LRP1B: variants seen among roughly 807,000 people sequenced by gnomAD.
LRP1B encodes the protein low-density lipoprotein receptor-related protein 1B.
A neutral mutation model predicts 556.6 loss-of-function variants in LRP1B; 217 were observed. The ratio of observed to expected loss-of-function variants is 0.39; its 90% confidence interval spans 0.35 to 0.44. LRP1B has a LOEUF of 0.44. Ranked by LOEUF, LRP1B falls within the 20% of genes least tolerant of loss-of-function variation. LRP1B has a pLI of 1.00. For missense variants in LRP1B, 5,053 were observed against 5,620.8 expected, an observed-to-expected ratio of 0.90 and a Z score of 3.23; for synonymous variants, 2,047 against 1,865.8, an observed-to-expected ratio of 1.10 and a Z score of -2.50.
intron 3 of LRP1B, among the ~76,000 whole-genome samples, chr2:141,366,950 G>A (rs1311939653): frequency 6.6e-6 from 1 of 152,196 alleles, no homozygotes; most frequent in Admixed American, 6.5e-5. Context: ...TCTTGAAGAT[G>A]ACACGGGAAG....
At chr2:141,043,389 C>T (rs1057231358) in intron 11 of LRP1B, among the ~76,000 whole-genome samples, 1 of 151,798 alleles carries the variant, frequency 6.6e-6, no homozygotes, top group Admixed American at 6.6e-5. Flanking sequence ...ATCAATGCCA[C>T]AACAAAAGAA....
At chr2:140,449,125 G>A (rs1053005480) in intron 63 of LRP1B, among the ~76,000 whole-genome samples, 7 of 152,036 alleles carry the variant, frequency 4.6e-5, no homozygotes, top group Non-Finnish European at 8.8e-5. Context: ...TAGAGGTCAG[G>A]AGCTGCAGGT....
At chr2:140,341,123 T>TATG (rs1406095120) in intron 77 of LRP1B, among the ~76,000 whole-genome samples, 3 of 151,768 alleles carry the variant, frequency 2.0e-5, no homozygotes, top group African/African-American at 7.2e-5. Context: ...GAATGATCTA[T>TATG]ATGATATACA....
intron 16 of LRP1B, among the ~76,000 whole-genome samples, chr2:140,992,257 A>T (rs78465768): frequency 0.023 from 3,467 of 152,164 alleles, 67 homozygotes; most frequent in Non-Finnish European, 0.031. Context: ...ACACAAAAAA[A>T]CCATGGCTTG....
chr2:142,069,876 T>C (rs2104909059), intron 1 of LRP1B, among the ~76,000 whole-genome samples: 1 of 151,934 alleles, frequency 6.6e-6, no homozygotes, highest in East Asian at 1.9e-4. Flanking sequence ...ATGTTTGCTT[T>C]ACAGAGCTTT....
chr2:140,744,804 T>C (rs1238203005), intron 35 of LRP1B, among the ~76,000 whole-genome samples: 2 of 152,150 alleles, frequency 1.3e-5, no homozygotes, highest in African/African-American at 4.8e-5. Context: ...TTGGAGAAGC[T>C]TGTTTGTTTG....
chr2:140,652,817 T>C (rs1199570196), intron 41 of LRP1B, among the ~76,000 whole-genome samples: 1 of 151,976 alleles, frequency 6.6e-6, no homozygotes, highest in Non-Finnish European at 1.5e-5. Flanking sequence ...TGGAAAAAAA[T>C]AGTTGTAGAT....
chr2:141,519,038 A>G (rs12997863), intron 2 of LRP1B, among the ~76,000 whole-genome samples: 1 of 3,250 alleles, frequency 3.1e-4, no homozygotes, highest in Non-Finnish European at 6.6e-3. Context: ...AGAACTTGAG[A>G]AAATCGCTTT....
chr2:141,133,282 T>C (rs1411080212), intron 7 of LRP1B, among the ~76,000 whole-genome samples: 1 of 116,836 alleles, frequency 8.6e-6, no homozygotes, highest in Non-Finnish European at 1.8e-5. Flanking sequence ...TAGCTACCTG[T>C]AACGTCTCTT....
intron 2 of LRP1B, among the ~76,000 whole-genome samples, chr2:141,719,551 C>T (rs1452742057): frequency 6.6e-6 from 1 of 151,962 alleles, no homozygotes; most frequent in East Asian, 1.9e-4. Context: ...TAATAAATCT[C>T]TAATGGTGTA....
At chr2:140,869,099 C>G (rs1693044579) in intron 25 of LRP1B, among the ~76,000 whole-genome samples, 1 of 152,038 alleles carries the variant, frequency 6.6e-6, no homozygotes, top group Non-Finnish European at 1.5e-5. Flanking sequence ...ATTCCTTTTC[C>G]AAGCCCACCC....
intron 2 of LRP1B, among the ~76,000 whole-genome samples, chr2:141,726,537 T>C (rs919128471): frequency 1.1e-4 from 16 of 152,124 alleles, no homozygotes; most frequent in African/African-American, 3.9e-4. Context: ...AAGCCAAACA[T>C]TGTAATCCAT....
chr2:141,806,625 T>A (rs1696176162), intron 2 of LRP1B, among the ~76,000 whole-genome samples: 1 of 152,002 alleles, frequency 6.6e-6, no homozygotes, highest in South Asian at 2.1e-4. Context: ...AACTCCTGCT[T>A]CATGAATACT....
At chr2:141,257,121 G>A (rs1684495756) in intron 3 of LRP1B, among the ~76,000 whole-genome samples, 1 of 152,076 alleles carries the variant, frequency 6.6e-6, no homozygotes, top group Non-Finnish European at 1.5e-5. Flanking sequence ...AATAAACATG[G>A]ATGAAGCCTG....
At chr2:141,377,692 T>G (rs1179266333) in intron 3 of LRP1B, among the ~76,000 whole-genome samples, 1 of 151,932 alleles carries the variant, frequency 6.6e-6, no homozygotes, top group Non-Finnish European at 1.5e-5. Flanking sequence ...ATGTGAGGCC[T>G]AATAATATCT....
intron 1 of LRP1B, among the ~76,000 whole-genome samples, chr2:141,996,278 C>A (rs1326923125): frequency 1.3e-5 from 2 of 151,482 alleles, no homozygotes; most frequent in Non-Finnish European, 2.9e-5. Context: ...TATCTCAAAT[C>A]TCTAAGACCT....
intron 3 of LRP1B, among the ~76,000 whole-genome samples, chr2:141,416,446 AT>A (rs34512949): frequency 0.17 from 17,180 of 103,070 alleles, 678 homozygotes; most frequent in East Asian, 0.33. Context: ...TTTGACAGCC[AT>A]TTTTTTTTTT....
chr2:140,768,167 A>T (rs2104931821), intron 35 of LRP1B, among the ~76,000 whole-genome samples: 1 of 152,060 alleles, frequency 6.6e-6, no homozygotes, highest in South Asian at 2.1e-4. Flanking sequence ...GGTGCAAAAC[A>T]ATCTACTTAA....
At chr2:140,346,271 C>A (rs1433648589) in intron 77 of LRP1B, among the ~76,000 whole-genome samples, 2 of 151,610 alleles carry the variant, frequency 1.3e-5, no homozygotes. Flanking sequence ...TTATTGTAGA[C>A]TCATATAATA....
Sources: allele counts gnomAD v4.1 joint callset (sites outside exome capture counted in the v4.1 genomes callset), GRCh38; gene constraint gnomAD v4.1.1; transcripts MANE v1.5; gene names NCBI Gene and HGNC (gene_info 2026-07-23, HGNC 2026-07-21).